The following STAU2 variants were observed in gnomAD, a reference collection of about 807,000 sequenced individuals.
STAU2 encodes the protein staufen double-stranded RNA binding protein 2, also known as double-stranded RNA-binding protein Staufen homolog 2.
Under a neutral mutation model 65.9 loss-of-function variants are expected in STAU2, and 20 were observed. That is an observed-to-expected ratio of 0.30 (90% confidence interval 0.21 to 0.44). The LOEUF is 0.44. Ranked by LOEUF, STAU2 falls within the 20% of genes least tolerant of loss-of-function variation. The probability of loss-of-function intolerance (pLI) is 1.00; values close to 1 mark genes in which losing one functional copy is unlikely to be tolerated. For synonymous variants in STAU2, 232 were observed against 233.9 expected (o/e 0.99, Z 0.07); for missense variants, 558 against 683.9 (o/e 0.82, Z 2.05).
chr8:73,695,440 G>A (rs1437161846), intron 4 of STAU2, among the ~76,000 whole-genome samples: 4 of 131,350 alleles, frequency 3.0e-5, no homozygotes, highest in Non-Finnish European at 5.1e-5. Flanking sequence ...AGAACCAATG[G>A]GTCCTGAATA....
rs951778926 is a variant in STAU2 at position 73,566,713 on chromosome 8, T to A, written c.1223-14394A>T. Among the ~76,000 whole-genome samples the A allele has an allele frequency of 4.6e-5, 7 of 152,336 alleles. No homozygotes were observed. The South Asian group carries it at 6.2e-4, about 14-fold the overall frequency. ...TCTTTAGACCCGTTATAAAATCAACTGAGCCTCAATTTTCCTGTATGTAAA... is the reference window on the plus strand; with the variant it reads ...TCTTTAGACCCGTTATAAAATCAACAGAGCCTCAATTTTCCTGTATGTAAA... On this transcript the variant is annotated intron_variant, in intron 12 of 14. Transcript: ENST00000524300.
Position 73,562,824 on chromosome 8 carries a change from A to C in STAU2, c.1223-10505T>G, listed in dbSNP as rs181285030. Among the ~76,000 whole-genome samples, 13 of 152,282 alleles carry C rather than the reference A, an allele frequency of 8.5e-5. No homozygotes were observed. The East Asian group carries it at 2.5e-3, about 29-fold the overall frequency. On this transcript the variant is annotated intron_variant, in intron 12 of 14. Coordinates refer to ENST00000524300, the MANE Select transcript of STAU2 (RefSeq NM_001164380.2). ...ACTAACTGGAACTGTATAAATATTA[A>C]GTACTGGGCTGGGTGCAGTGGCTCA...
intron 13 of STAU2, among the ~76,000 whole-genome samples, chr8:73,465,175 G>A (rs1819581473): frequency 6.6e-6 from 1 of 152,192 alleles, no homozygotes; most frequent in African/African-American, 2.4e-5. Flanking sequence ...CAGCTGAGCT[G>A]GGCCCCTCAA....
chr8:73,725,118 T>C (rs532749145), intron 3 of STAU2, among the ~76,000 whole-genome samples: 34 of 152,362 alleles, frequency 2.2e-4, no homozygotes, highest in African/African-American at 8.2e-4. Context: ...TCTGACAATC[T>C]TTGCCATTTA....
intron 13 of STAU2, among the ~76,000 whole-genome samples, chr8:73,497,992 T>C (rs999416273): frequency 2.0e-5 from 3 of 151,848 alleles, no homozygotes; most frequent in African/African-American, 7.2e-5. Context: ...TATGTACACG[T>C]GGCAACATAA....
chr8:73,442,534 A>G (rs1818240000), intron 13 of STAU2, among the ~76,000 whole-genome samples: 1 of 152,036 alleles, frequency 6.6e-6, no homozygotes, highest in African/African-American at 2.4e-5. Flanking sequence ...TCCCTTACCT[A>G]CCTCCACCCC....
At chr8:73,659,718 A>G (rs911873676) in intron 6 of STAU2, among the ~76,000 whole-genome samples, 1 of 152,230 alleles carries the variant, frequency 6.6e-6, no homozygotes. Context: ...TGAGCAACAG[A>G]TTAATAAAAC....
chr8:73,684,872 G>C (rs1273439662), intron 5 of STAU2, among the ~76,000 whole-genome samples: 1 of 152,152 alleles, frequency 6.6e-6, no homozygotes, highest in Non-Finnish European at 1.5e-5. Flanking sequence ...TGAATTATCA[G>C]AGTAATGCAA....
At chr8:73,658,172 T>C (rs951714980) in intron 6 of STAU2, among the ~76,000 whole-genome samples, 4 of 151,940 alleles carry the variant, frequency 2.6e-5, no homozygotes, top group African/African-American at 9.7e-5. Context: ...AAGACCAGCC[T>C]GACCAACATG....
At chr8:73,436,320 T>G (rs1817675728) in intron 13 of STAU2, among the ~76,000 whole-genome samples, 1 of 151,734 alleles carries the variant, frequency 6.6e-6, no homozygotes, top group African/African-American at 2.4e-5. Context: ...GACGTTTTTC[T>G]TGGGACATTT....
chr8:73,598,611 G>A (rs145110196), intron 10 of STAU2, among the ~76,000 whole-genome samples: 2,522 of 152,128 alleles, frequency 0.017, 37 homozygotes, highest in Non-Finnish European at 0.025. Flanking sequence ...AATGTTGAAC[G>A]AAACTAATTA....
chr8:73,622,404 C>A (rs1157297389), intron 6 of STAU2, among the ~76,000 whole-genome samples: 2 of 152,136 alleles, frequency 1.3e-5, no homozygotes, highest in African/African-American at 4.8e-5. Context: ...AGATTACGGG[C>A]GTGAGCCACC....
At chr8:73,584,799 C>A (rs928252911) in intron 11 of STAU2, among the ~76,000 whole-genome samples, 1 of 151,974 alleles carries the variant, frequency 6.6e-6, no homozygotes, top group Non-Finnish European at 1.5e-5. Context: ...AGGACTACTG[C>A]AAAAACAAAT....
intron 11 of STAU2, among the ~76,000 whole-genome samples, chr8:73,588,379 A>T (rs1810527409): frequency 6.6e-6 from 1 of 152,234 alleles, no homozygotes; most frequent in Admixed American, 6.5e-5. Flanking sequence ...GATAGTTTAG[A>T]AAAACTGGGA....
At chr8:73,739,914 A>G (rs1050098319) in intron 1 of STAU2, 46 bp from the exon 2 acceptor site, 87 of 755,378 alleles carry the variant, frequency 1.2e-4, no homozygotes, top group Admixed American at 2.5e-4. Flanking sequence ...CACTTCCAAG[A>G]TTAGGTTATA....
rs142069596 is a variant in STAU2, at chr8:73,429,395, C to G, written c.1531-6693G>C. On this transcript the variant is annotated intron_variant, in intron 13 of 14. Coordinates refer to ENST00000524300, the MANE Select transcript of STAU2 (RefSeq NM_001164380.2). ...GGCAGAGCAGAGATTTGAAACCAAT[C>G]TATATTCTTGCTCAGGTCTTTTTTT... Among the ~76,000 whole-genome samples, 297 of 104,144 alleles carry G rather than the reference C, an allele frequency of 2.9e-3. 1 individual carries two copies. The highest frequency in any genetic ancestry group is 7.7e-3 in the Admixed American group (71 of 9,280). The allele number at this position is 104,144 out of a possible 152,430, so 68.3% of individuals were successfully genotyped here. A position where few individuals can be genotyped will look rare whatever the true frequency, so the allele number is the denominator to read the frequency against.
intron 13 of STAU2, among the ~76,000 whole-genome samples, chr8:73,485,499 G>C (rs1213355668): frequency 2.6e-5 from 4 of 151,936 alleles, no homozygotes; most frequent in African/African-American, 9.7e-5. Flanking sequence ...ATCCGAACCT[G>C]CTAGAGAATT....
intron 6 of STAU2, among the ~76,000 whole-genome samples, chr8:73,620,405 A>G (rs975632605): frequency 5.3e-5 from 8 of 152,240 alleles, no homozygotes; most frequent in Non-Finnish European, 8.8e-5. Flanking sequence ...AGTGGGCGCC[A>G]CTATAATCAC....
At chr8:73,460,513 C>A (rs538050649) in intron 13 of STAU2, among the ~76,000 whole-genome samples, 1 of 152,284 alleles carries the variant, frequency 6.6e-6, no homozygotes, top group South Asian at 2.1e-4. Flanking sequence ...TGTGAGTACC[C>A]AACAGAGGTA....
Sources: allele counts gnomAD v4.1 joint callset (sites outside exome capture counted in the v4.1 genomes callset), GRCh38; gene constraint gnomAD v4.1.1; transcripts MANE v1.5; gene names NCBI Gene and HGNC (gene_info 2026-07-23, HGNC 2026-07-21).